LY86: variants seen among roughly 807,000 people sequenced by gnomAD.
The protein encoded by LY86 is lymphocyte antigen 86.
LY86 carries 20 observed loss-of-function variants against 17.3 expected under a neutral mutation model. That is an observed-to-expected ratio of 1.15 (90% CI 0.81 to 1.68). LY86 has a LOEUF of 1.68. Ranked by LOEUF, LY86 falls within the 40% of genes most tolerant of loss-of-function variation. The probability of loss-of-function intolerance (pLI) is 0.00; values close to 1 mark genes in which losing one functional copy is unlikely to be tolerated. For synonymous variants in LY86, 74 were observed against 70.6 expected, an observed-to-expected ratio of 1.05 and a Z score of -0.24; for missense variants, 200 against 191.9, an observed-to-expected ratio of 1.04 and a Z score of -0.25.
chr6:6,605,347 A>G (rs148960536), intron 1 of LY86, among the ~76,000 whole-genome samples: 251 of 152,332 alleles, frequency 1.6e-3, no homozygotes, highest in African/African-American at 5.9e-3. Flanking sequence ...AAGGTGATGA[A>G]GTAGTCAATT....
Position 6,605,661 on chromosome 6 carries a change from G to A in LY86, c.136+16791G>A, listed in dbSNP as rs186444746. ...GTTTTCGCTATGTTCTACTGTGTCT[G>A]GAATTGATGGGTTCTTCATCTCACG... is the stretch of plus-strand genomic sequence containing the variant. On this transcript the variant is annotated intron_variant, in intron 1 of 4. Transcript: ENST00000230568. 1.0e-4 allele frequency among the ~76,000 whole-genome samples: 16 copies of A among 152,382 alleles called. No homozygotes were observed. In the East Asian group the frequency reaches 2.7e-3, roughly 26 times the overall value.
intron 1 of LY86, among the ~76,000 whole-genome samples, chr6:6,613,707 C>T (rs1009893790): frequency 2.0e-5 from 3 of 152,248 alleles, no homozygotes; most frequent in African/African-American, 4.8e-5. Context: ...AGTGCAGCGG[C>T]GGGCTGAAGG....
intron 1 of LY86, among the ~76,000 whole-genome samples, chr6:6,607,318 G>T (rs989285941): frequency 1.3e-5 from 2 of 152,154 alleles, no homozygotes; most frequent in Admixed American, 6.5e-5. Context: ...ACTGTCATGT[G>T]TTTTTTGCCA....
At chr6:6,599,977 A>G (rs535169344) in intron 1 of LY86, among the ~76,000 whole-genome samples, 2 of 148,668 alleles carry the variant, frequency 1.3e-5, no homozygotes, top group East Asian at 3.9e-4. Flanking sequence ...CCACATCCCC[A>G]AAGCACAAAG....
intron 1 of LY86, among the ~76,000 whole-genome samples, chr6:6,600,181 T>G (rs571174112): frequency 6.6e-6 from 1 of 152,276 alleles, no homozygotes; most frequent in South Asian, 2.1e-4. Flanking sequence ...CATAGGGCAG[T>G]GAAAGCAAGA....
intron 1 of LY86, among the ~76,000 whole-genome samples, chr6:6,611,948 T>C (rs898972392): frequency 3.3e-5 from 5 of 152,076 alleles, no homozygotes; most frequent in Admixed American, 6.5e-5. Flanking sequence ...TTCCAGCACG[T>C]GTCCCAAGCA....
At chr6:6,607,776 T>C (rs1761227821) in intron 1 of LY86, among the ~76,000 whole-genome samples, 1 of 151,678 alleles carries the variant, frequency 6.6e-6, no homozygotes, top group South Asian at 2.1e-4. Flanking sequence ...GGCGGGTGCC[T>C]GTAATCCCAG....
At chr6:6,614,626 G>A (rs1240709438) in intron 1 of LY86, among the ~76,000 whole-genome samples, 2 of 151,930 alleles carry the variant, frequency 1.3e-5, no homozygotes, top group Non-Finnish European at 2.9e-5. Flanking sequence ...CCCATCCTCC[G>A]CTAGCTCTCC....
At chr6:6,628,653 G>A (rs1761846201) in intron 3 of LY86, among the ~76,000 whole-genome samples, 1 of 152,016 alleles carries the variant, frequency 6.6e-6, no homozygotes, top group Non-Finnish European at 1.5e-5. Flanking sequence ...CTGCTGTAGT[G>A]CTTATCTCAG....
chr6:6,637,028 T>C (rs1436233684), intron 3 of LY86, among the ~76,000 whole-genome samples: 1 of 120,762 alleles, frequency 8.3e-6, no homozygotes, highest in Non-Finnish European at 1.7e-5. Flanking sequence ...TTTTTTTTAA[T>C]GAGAAGGAGT....
intron 1 of LY86, among the ~76,000 whole-genome samples, chr6:6,597,698 G>C (rs924426953): frequency 4.6e-5 from 7 of 152,170 alleles, no homozygotes; most frequent in Admixed American, 1.3e-4. Context: ...CCCTGCATGG[G>C]ACCCAGGAAG....
intron 1 of LY86, among the ~76,000 whole-genome samples, chr6:6,620,554 G>A (rs1266614377): frequency 1.3e-5 from 2 of 152,084 alleles, no homozygotes; most frequent in East Asian, 3.9e-4. Context: ...GAGTGTACCC[G>A]GGCCCCCACC....
chr6:6,612,059 A>G (rs1761361847), intron 1 of LY86, among the ~76,000 whole-genome samples: 1 of 152,156 alleles, frequency 6.6e-6, no homozygotes, highest in African/African-American at 2.4e-5. Context: ...TGAAGATGTT[A>G]AAAAGCCAAT....
At chr6:6,598,684 G>A (rs890154140) in intron 1 of LY86, among the ~76,000 whole-genome samples, 3 of 151,964 alleles carry the variant, frequency 2.0e-5, no homozygotes, top group Non-Finnish European at 4.4e-5. Flanking sequence ...TCAGTGTCTT[G>A]TAACTCATTG....
chr6:6,630,630 A>T (rs1229755555), intron 3 of LY86, among the ~76,000 whole-genome samples: 1 of 152,236 alleles, frequency 6.6e-6, no homozygotes. Context: ...AACTCCCTCA[A>T]TCCTCAAGAA....
intron 1 of LY86, among the ~76,000 whole-genome samples, chr6:6,593,181 T>C (rs930062576): frequency 1.3e-5 from 2 of 152,266 alleles, no homozygotes; most frequent in African/African-American, 4.8e-5. Context: ...TTAGAAACTC[T>C]GGGGGAGAAT....
intron 1 of LY86, among the ~76,000 whole-genome samples, chr6:6,605,667 G>C (rs1029913808): frequency 7.2e-5 from 11 of 152,254 alleles, no homozygotes; most frequent in African/African-American, 2.7e-4. Context: ...GTCTGGAATT[G>C]ATGGGTTCTT....
At chr6:6,613,245 G>T (rs1038156805) in intron 1 of LY86, among the ~76,000 whole-genome samples, 1 of 152,268 alleles carries the variant, frequency 6.6e-6, no homozygotes, top group Non-Finnish European at 1.5e-5. Context: ...GCCGCAGGTG[G>T]AGCTGCCTGC....
intron 1 of LY86, among the ~76,000 whole-genome samples, chr6:6,592,288 G>A (rs1760553759): frequency 1.3e-5 from 2 of 152,192 alleles, no homozygotes; most frequent in Admixed American, 1.3e-4. Flanking sequence ...GGAAAGAAGA[G>A]AGCCACTGTC....
Sources: allele counts gnomAD v4.1 joint callset (sites outside exome capture counted in the v4.1 genomes callset), GRCh38; gene constraint gnomAD v4.1.1; transcripts MANE v1.5; gene names NCBI Gene and HGNC (gene_info 2026-07-23, HGNC 2026-07-21).